CADM2: variants seen among roughly 807,000 people sequenced by gnomAD.
The protein encoded by CADM2 is immunoglobulin superfamily member 4D.
Under a neutral mutation model 49.8 loss-of-function variants are expected in CADM2, and 12 were observed. That is an observed-to-expected ratio of 0.24 (90% CI 0.15 to 0.39). The LOEUF (loss-of-function observed/expected upper bound fraction) is 0.39. Ranked by LOEUF, CADM2 falls within the 10% of genes least tolerant of loss-of-function variation. The pLI, the probability that CADM2 is intolerant of heterozygous loss-of-function variation, is 1.00. For missense variants in CADM2, 378 were observed against 492.3 expected, an observed-to-expected ratio of 0.77 and a Z score of 2.20; for synonymous variants, 214 against 175.4, an observed-to-expected ratio of 1.22 and a Z score of -1.74.
intron 1 of CADM2, among the ~76,000 whole-genome samples, chr3:85,493,789 C>A (rs2107651758): frequency 6.6e-6 from 1 of 152,266 alleles, no homozygotes; most frequent in South Asian, 2.1e-4. Flanking sequence ...CTCTTGTCAG[C>A]TCTAAGGTTT....
At chr3:85,203,612 A>C (rs2041562538) in intron 1 of CADM2, among the ~76,000 whole-genome samples, 1 of 152,194 alleles carries the variant, frequency 6.6e-6, no homozygotes, top group South Asian at 2.1e-4. Flanking sequence ...TGAAGTGAGC[A>C]TATGCTTTTG....
intron 1 of CADM2, among the ~76,000 whole-genome samples, chr3:85,052,809 G>A (rs978058658): frequency 2.0e-5 from 3 of 151,944 alleles, no homozygotes; most frequent in Non-Finnish European, 4.4e-5. Flanking sequence ...AGTATATACA[G>A]CAATGTCTTT....
chr3:84,964,856 C>G (rs928964990), intron 1 of CADM2, among the ~76,000 whole-genome samples: 1 of 152,136 alleles, frequency 6.6e-6, no homozygotes, highest in African/African-American at 2.4e-5. Flanking sequence ...CTCTTCTTTT[C>G]ATAATATGAA....
chr3:85,475,637 C>T lies in CADM2; in HGVS notation c.62-250885C>T, dbSNP rs555574708. ...TCTTATATAACAAAGCATCTGATTA[C>T]TTGATTAAAGACTAAATTAATCTAT... is the stretch of plus-strand genomic sequence containing the variant. On this transcript the variant is annotated intron_variant, in intron 1 of 9. Coordinates refer to ENST00000383699, the MANE Select transcript of CADM2 (RefSeq NM_001167675.2). 7.9e-5 allele frequency among the ~76,000 whole-genome samples: 12 copies of T among 151,876 alleles called. No homozygotes were observed. In the East Asian group the frequency reaches 1.2e-3, roughly 15 times the overall value.
chr3:85,813,632 G>A (rs1577375007), intron 3 of CADM2, among the ~76,000 whole-genome samples: 1 of 152,146 alleles, frequency 6.6e-6, no homozygotes, highest in Non-Finnish European at 1.5e-5. Flanking sequence ...GTCCTGAATG[G>A]TATTGTTCAG....
At chr3:85,280,461 G>T (rs113647223) in intron 1 of CADM2, among the ~76,000 whole-genome samples, 3 of 150,834 alleles carry the variant, frequency 2.0e-5, no homozygotes, top group Non-Finnish European at 3.0e-5. Flanking sequence ...GTTGTTTTTC[G>T]CTTGCAACTT....
At chr3:85,845,693 C>A (rs1043962121) in intron 3 of CADM2, among the ~76,000 whole-genome samples, 3 of 152,084 alleles carry the variant, frequency 2.0e-5, no homozygotes, top group African/African-American at 7.2e-5. Flanking sequence ...GTAGGCCCAG[C>A]GGGATGTTTG....
At position 85,412,533 on chromosome 3, in the gene CADM2, CG is replaced by C. The variant is rs532882455; in HGVS notation, c.62-313988del. 1.9e-3 allele frequency among the ~76,000 whole-genome samples: 115 copies of C among 59,116 alleles called. 4 individuals carry two copies. In the South Asian group the frequency reaches 0.067, roughly 34 times the overall value. The allele number at this position is 59,116 out of a possible 152,430, so 38.8% of individuals were successfully genotyped here. A position where few individuals can be genotyped will look rare whatever the true frequency, so the allele number is the denominator to read the frequency against. On this transcript the variant is annotated intron_variant, in intron 1 of 9. Coordinates refer to ENST00000383699, the MANE Select transcript of CADM2 (RefSeq NM_001167675.2). ...AAGGTATCCTAGGTCCTATGTAATT[CG>C]TTTTTTTTTTTTTCTGTATCATGCT...
At chr3:85,266,304 T>C (rs963289977) in intron 1 of CADM2, among the ~76,000 whole-genome samples, 10 of 151,976 alleles carry the variant, frequency 6.6e-5, no homozygotes, top group Admixed American at 5.9e-4. Flanking sequence ...TAAAAGTAAA[T>C]GAATTCAAAT....
intron 2 of CADM2, among the ~76,000 whole-genome samples, chr3:85,784,289 G>A (rs2070835827): frequency 6.6e-6 from 1 of 152,228 alleles, no homozygotes; most frequent in South Asian, 2.1e-4. Flanking sequence ...TAAGTCACTG[G>A]AAGAAAATAT....
Position 86,066,954 on chromosome 3 carries a change from T to G in CADM2, c.*171T>G. On this transcript the variant is annotated 3_prime_UTR_variant, in exon 10 of 10. Coordinates refer to ENST00000383699, the MANE Select transcript of CADM2 (RefSeq NM_001167675.2). ...AATCAGCTGTTGAAAGCATCATTCT[T>G]TAATTACTGTACCATCCATAATGCA... 1 of 615,140 alleles carries G rather than the reference T, an allele frequency of 1.6e-6. No homozygotes were observed. The highest frequency in any genetic ancestry group is 1.9e-5 in the South Asian group (1 of 52,354). 38.1% of individuals were successfully genotyped at this position (615,140 alleles called of 1,614,324 possible). A position where few individuals can be genotyped will look rare whatever the true frequency, so the allele number is the denominator to read the frequency against.
chr3:85,336,515 G>C (rs1049708540), intron 1 of CADM2, among the ~76,000 whole-genome samples: 4 of 151,090 alleles, frequency 2.6e-5, no homozygotes, highest in Non-Finnish European at 4.4e-5. Flanking sequence ...TTTCATAAAG[G>C]GTGATTCAAA....
intron 2 of CADM2, among the ~76,000 whole-genome samples, chr3:85,759,823 T>C (rs1170705700): frequency 3.3e-5 from 5 of 152,104 alleles, no homozygotes; most frequent in African/African-American, 7.2e-5. Flanking sequence ...TTGTGTCCTT[T>C]CTCTACTTTG....
At chr3:85,433,824 G>A (rs935026995) in intron 1 of CADM2, among the ~76,000 whole-genome samples, 8 of 152,058 alleles carry the variant, frequency 5.3e-5, no homozygotes, top group African/African-American at 1.9e-4. Context: ...ACTTCCACAG[G>A]AAATGATACT....
At chr3:85,557,556 T>G (rs1471876603) in intron 1 of CADM2, among the ~76,000 whole-genome samples, 4 of 151,918 alleles carry the variant, frequency 2.6e-5, no homozygotes, top group Admixed American at 2.0e-4. Context: ...GAAATATAAA[T>G]TAAATAGAAA....
chr3:85,873,829 G>A lies in CADM2; in HGVS notation c.239-9462G>A, dbSNP rs1187948861. On this transcript the variant is annotated intron_variant, in intron 3 of 9. Transcript: ENST00000383699. ...CAATATTCATTATAATCAGTAATTT[G>A]CTAATTTTTTAAAGATAATATTTTA... is the stretch of plus-strand genomic sequence containing the variant. Among the ~76,000 whole-genome samples, 11 of 152,016 alleles carry A rather than the reference G, an allele frequency of 7.2e-5. No homozygotes were observed. In the South Asian group the frequency reaches 2.1e-3, roughly 29 times the overall value.
At chr3:85,027,343 G>A (rs1356152387) in intron 1 of CADM2, among the ~76,000 whole-genome samples, 1 of 151,258 alleles carries the variant, frequency 6.6e-6, no homozygotes, top group East Asian at 1.9e-4. Context: ...CTCAATCTCC[G>A]GACTTCGTGA....
At chr3:85,760,823 G>A (rs1221485539) in intron 2 of CADM2, among the ~76,000 whole-genome samples, 1 of 152,052 alleles carries the variant, frequency 6.6e-6, no homozygotes, top group South Asian at 2.1e-4. Context: ...TTAGTTAATA[G>A]CAATTTTATT....
intron 1 of CADM2, among the ~76,000 whole-genome samples, chr3:85,154,485 G>A (rs1348425207): frequency 1.3e-5 from 2 of 152,142 alleles, no homozygotes; most frequent in African/African-American, 4.8e-5. Flanking sequence ...AAAGTGACGG[G>A]GAGAATGGAA....
Sources: gnomAD v4.1 joint callset for allele counts (sites outside exome capture counted in the v4.1 genomes callset) on GRCh38, gnomAD v4.1.1 for gene constraint, MANE v1.5 for transcripts, NCBI Gene and HGNC (gene_info 2026-07-23, HGNC 2026-07-21) for gene names.